MEOX2: variants seen among roughly 807,000 people sequenced by gnomAD.
MEOX2 encodes the protein mesenchyme homeobox 2.
A neutral mutation model predicts 27.0 loss-of-function variants in MEOX2; 11 were observed. The ratio of observed to expected loss-of-function variants is 0.41; its 90% CI spans 0.26 to 0.68. The LOEUF (loss-of-function observed/expected upper bound fraction) is 0.68. MEOX2 is among the 30% of genes least tolerant of loss of function. The pLI is 0.33. For synonymous variants in MEOX2, 189 were observed against 155.4 expected, an observed-to-expected ratio of 1.22 and a Z score of -1.61; for missense variants, 436 against 385.4, an observed-to-expected ratio of 1.13 and a Z score of -1.10.
chr7:15,623,295 T>G (rs2115357860), intron 2 of MEOX2, among the ~76,000 whole-genome samples: 1 of 152,296 alleles, frequency 6.6e-6, no homozygotes, highest in East Asian at 1.9e-4. Flanking sequence ...CATAGTATAT[T>G]TTTTCTGATA....
intron 2 of MEOX2, among the ~76,000 whole-genome samples, chr7:15,619,496 C>T (rs1262126874): frequency 6.6e-6 from 1 of 151,834 alleles, no homozygotes; most frequent in Admixed American, 6.6e-5. Context: ...TATCTTTATC[C>T]TTTTATTATA....
intron 1 of MEOX2, among the ~76,000 whole-genome samples, chr7:15,667,127 T>A (rs1036913527): frequency 2.7e-5 from 4 of 150,366 alleles, no homozygotes; most frequent in East Asian, 2.0e-4. Flanking sequence ...CCGTCTCTAC[T>A]AAAAATACAA....
chr7:15,626,814 G>A lies in MEOX2; in HGVS notation c.622C>T (p.His208Tyr), dbSNP rs765228491. 6.2e-7 allele frequency: 1 copy of A among 1,609,684 alleles called. No individual in the cohort carries two copies. The highest frequency in any genetic ancestry group is 1.7e-4 in the Middle Eastern group (1 of 6,060). Residue 208 changes from histidine (H) to tyrosine (Y), a missense_variant, in exon 2 of 3, where the codon CAT (histidine) becomes TAT (tyrosine). By Grantham distance (83) the His-to-Tyr change is moderately conservative (BLOSUM62 2). Transcript: ENST00000262041. ...QIRELEAEFA[H>Y]HNYLTRLRRY... ...CTCAGTCTGGTGAGATAATTATGATGGGCAAATTCTGCTTCAAGTTCTCTG... is the reference window on the plus strand; with the variant it reads ...CTCAGTCTGGTGAGATAATTATGATAGGCAAATTCTGCTTCAAGTTCTCTG...
intron 1 of MEOX2, among the ~76,000 whole-genome samples, chr7:15,641,612 A>C (rs989816514): frequency 6.6e-6 from 1 of 152,158 alleles, no homozygotes; most frequent in Non-Finnish European, 1.5e-5. Flanking sequence ...GGCTATTTAC[A>C]ATCAAGGTTC....
intron 1 of MEOX2, among the ~76,000 whole-genome samples, chr7:15,666,770 AAAAAAAAAAATATAT>A (rs1213906053): frequency 6.8e-3 from 441 of 64,406 alleles, no homozygotes; most frequent in East Asian, 0.013. Flanking sequence ...AAAAAAAAAA[AAAAAAAAAAATATAT>A]ATATATATAT....
intron 1 of MEOX2, among the ~76,000 whole-genome samples, chr7:15,653,385 A>T (rs1456147875): frequency 6.6e-6 from 1 of 151,788 alleles, no homozygotes; most frequent in East Asian, 1.9e-4. Context: ...TTCGTCCTTT[A>T]TCAGATATGT....
At chr7:15,664,522 A>C (rs962459829) in intron 1 of MEOX2, among the ~76,000 whole-genome samples, 10 of 152,154 alleles carry the variant, frequency 6.6e-5, no homozygotes, top group African/African-American at 1.4e-4. Context: ...CTTGATGTTT[A>C]CTCCTCAAGC....
intron 1 of MEOX2, among the ~76,000 whole-genome samples, chr7:15,640,853 C>A (rs1239002210): frequency 6.6e-6 from 1 of 152,114 alleles, no homozygotes; most frequent in Non-Finnish European, 1.5e-5. Flanking sequence ...GTTGAACTAT[C>A]CTTGCTTCCC....
chr7:15,628,700 C>G (rs1446884032), intron 1 of MEOX2, among the ~76,000 whole-genome samples: 1 of 152,126 alleles, frequency 6.6e-6, no homozygotes, highest in Non-Finnish European at 1.5e-5. Flanking sequence ...ATGGTGCCAA[C>G]TTACCTGGCT....
At chr7:15,625,002 TCAAA>T (rs1333170574) in intron 2 of MEOX2, among the ~76,000 whole-genome samples, 2 of 152,148 alleles carry the variant, frequency 1.3e-5, no homozygotes, top group Non-Finnish European at 2.9e-5. Flanking sequence ...TGCTCCGTGG[TCAAA>T]CAATGACAGA....
chr7:15,640,766 G>T (rs992106843), intron 1 of MEOX2, among the ~76,000 whole-genome samples: 2 of 152,044 alleles, frequency 1.3e-5, no homozygotes, highest in Admixed American at 6.6e-5. Context: ...TGCTTTTTCT[G>T]CATCTACTGA....
chr7:15,635,498 A>G (rs891654694), intron 1 of MEOX2, among the ~76,000 whole-genome samples: 37 of 152,030 alleles, frequency 2.4e-4, no homozygotes, highest in African/African-American at 8.4e-4. Flanking sequence ...TTTAACACAG[A>G]CTTTAAGTGA....
chr7:15,649,243 G>C (rs140055891), intron 1 of MEOX2, among the ~76,000 whole-genome samples: 6 of 152,094 alleles, frequency 3.9e-5, no homozygotes, highest in African/African-American at 1.4e-4. Flanking sequence ...ACAATGCAAG[G>C]TATTGTTTTA....
intron 2 of MEOX2, among the ~76,000 whole-genome samples, chr7:15,621,174 A>T (rs1448726239): frequency 6.6e-6 from 1 of 152,198 alleles, no homozygotes; most frequent in African/African-American, 2.4e-5. Flanking sequence ...GAAGATTATT[A>T]TCTGTTGATC....
chr7:15,657,501 G>A (rs923531928), intron 1 of MEOX2, among the ~76,000 whole-genome samples: 1 of 151,808 alleles, frequency 6.6e-6, no homozygotes, highest in Non-Finnish European at 1.5e-5. Flanking sequence ...TTTTATTTTG[G>A]CTAGTATATT....
chr7:15,616,320 C>G (rs927178416), intron 2 of MEOX2, among the ~76,000 whole-genome samples: 1 of 151,608 alleles, frequency 6.6e-6, no homozygotes, highest in Admixed American at 6.6e-5. Context: ...ATATAGAACT[C>G]TAAAAGTCAA....
At chr7:15,654,032 T>C (rs1781781666) in intron 1 of MEOX2, among the ~76,000 whole-genome samples, 1 of 151,928 alleles carries the variant, frequency 6.6e-6, no homozygotes. Flanking sequence ...AATTTTCCAG[T>C]CCATAAACAC....
intron 2 of MEOX2, among the ~76,000 whole-genome samples, chr7:15,621,346 G>A (rs1781220475): frequency 6.6e-6 from 1 of 152,244 alleles, no homozygotes; most frequent in East Asian, 1.9e-4. Flanking sequence ...AACATAAAAT[G>A]ATTTTCTTTA....
chr7:15,671,691 G>C (rs1782099952), intron 1 of MEOX2, among the ~76,000 whole-genome samples: 2 of 152,092 alleles, frequency 1.3e-5, no homozygotes, highest in African/African-American at 4.8e-5. Context: ...CATGACACAG[G>C]TATTACAGTT....
Sources: allele counts gnomAD v4.1 joint callset (sites outside exome capture counted in the v4.1 genomes callset), GRCh38; gene constraint gnomAD v4.1.1; transcripts MANE v1.5; gene names NCBI Gene and HGNC (gene_info 2026-07-23, HGNC 2026-07-21).